The following ADGRB3 variants were observed in gnomAD, a reference collection of about 807,000 sequenced individuals.
ADGRB3 encodes adhesion G protein-coupled receptor B3.
ADGRB3 carries 37 observed loss-of-function variants against 193.4 expected under a neutral mutation model. The ratio of observed to expected loss-of-function variants is 0.19; its 90% CI spans 0.15 to 0.25. ADGRB3 has a LOEUF of 0.25. Among genes scored for constraint, ADGRB3 ranks in the 10% least tolerant of loss-of-function variants. ADGRB3 has a pLI of 1.00. For synonymous variants in ADGRB3, 690 were observed against 644.2 expected, an observed-to-expected ratio of 1.07 and a Z score of -1.08; for missense variants, 1,637 against 1,852.9, an observed-to-expected ratio of 0.88 and a Z score of 2.14.
intron 17 of ADGRB3, among the ~76,000 whole-genome samples, chr6:69,228,798 A>C (rs1766075103): frequency 6.6e-6 from 1 of 152,186 alleles, no homozygotes; most frequent in South Asian, 2.1e-4. Flanking sequence ...TTACAATAAA[A>C]GTTTAGCATT....
intron 3 of ADGRB3, among the ~76,000 whole-genome samples, chr6:68,727,505 C>T (rs17257056): frequency 0.016 from 2,381 of 151,568 alleles, 18 homozygotes; most frequent in Non-Finnish European, 0.024. Flanking sequence ...TATGTCAATA[C>T]TGTTCTGCAA....
At chr6:68,842,947 A>G (rs1453182405) in intron 3 of ADGRB3, among the ~76,000 whole-genome samples, 1 of 152,054 alleles carries the variant, frequency 6.6e-6, no homozygotes, top group Admixed American at 6.6e-5. Flanking sequence ...TCGATGCTGA[A>G]AAAAGCATTT....
intron 3 of ADGRB3, among the ~76,000 whole-genome samples, chr6:68,828,119 T>C (rs538045488): frequency 1.6e-4 from 24 of 152,324 alleles, no homozygotes; most frequent in Admixed American, 3.3e-4. Context: ...AAGCCTATTA[T>C]GAACTAAAAA....
At chr6:68,663,946 G>T (rs893160315) in intron 3 of ADGRB3, among the ~76,000 whole-genome samples, 2 of 151,794 alleles carry the variant, frequency 1.3e-5, no homozygotes, top group African/African-American at 4.8e-5. Flanking sequence ...GTATTTTTGT[G>T]CAATTTAATT....
chr6:68,915,940 T>C (rs2150239833), intron 3 of ADGRB3, among the ~76,000 whole-genome samples: 1 of 152,000 alleles, frequency 6.6e-6, no homozygotes, highest in East Asian at 1.9e-4. Context: ...AGGGGAAAAG[T>C]ACTGGGCAAA....
intron 3 of ADGRB3, among the ~76,000 whole-genome samples, chr6:68,818,765 C>T (rs917690876): frequency 6.6e-6 from 1 of 151,678 alleles, no homozygotes; most frequent in African/African-American, 2.4e-5. Context: ...TATATTTTGC[C>T]AATACAAAAA....
intron 20 of ADGRB3, among the ~76,000 whole-genome samples, chr6:69,245,475 T>C (rs564388244): frequency 6.6e-6 from 1 of 152,262 alleles, no homozygotes; most frequent in South Asian, 2.1e-4. Flanking sequence ...CTTCTGGAGC[T>C]TGTAAAACCT....
At chr6:68,786,839 G>A (rs1178915043) in intron 3 of ADGRB3, among the ~76,000 whole-genome samples, 1 of 151,750 alleles carries the variant, frequency 6.6e-6, no homozygotes, top group African/African-American at 2.4e-5. Context: ...TTGAGCAGTG[G>A]TTTGTAGTTC....
chr6:69,250,054 A>T (rs1351618209), intron 20 of ADGRB3, among the ~76,000 whole-genome samples: 1 of 152,200 alleles, frequency 6.6e-6, no homozygotes, highest in Non-Finnish European at 1.5e-5. Flanking sequence ...TAATTTGTTA[A>T]TATGTGTGAT....
At chr6:69,345,976 G>C (rs1223031136) in intron 26 of ADGRB3, among the ~76,000 whole-genome samples, 1 of 152,142 alleles carries the variant, frequency 6.6e-6, no homozygotes, top group Non-Finnish European at 1.5e-5. Flanking sequence ...CAAACAGAGA[G>C]CCAAATTATG....
At chr6:68,670,562 T>G (rs975803130) in intron 3 of ADGRB3, among the ~76,000 whole-genome samples, 32 of 151,818 alleles carry the variant, frequency 2.1e-4, no homozygotes, top group African/African-American at 6.8e-4. Flanking sequence ...GCAACTTTGT[T>G]GAAAATGAGT....
intron 3 of ADGRB3, among the ~76,000 whole-genome samples, chr6:68,880,016 T>C (rs1306222614): frequency 6.6e-6 from 1 of 152,136 alleles, no homozygotes; most frequent in Non-Finnish European, 1.5e-5. Flanking sequence ...ATAAACCAAT[T>C]TTAATAAAAT....
intron 23 of ADGRB3, among the ~76,000 whole-genome samples, chr6:69,331,050 T>A (rs1350302767): frequency 6.6e-6 from 1 of 152,124 alleles, no homozygotes; most frequent in Non-Finnish European, 1.5e-5. Flanking sequence ...GCAGAGGCCG[T>A]CTTATGTGTT....
intron 17 of ADGRB3, among the ~76,000 whole-genome samples, chr6:69,139,438 A>T (rs1774253945): frequency 6.6e-6 from 1 of 152,188 alleles, no homozygotes; most frequent in South Asian, 2.1e-4. Flanking sequence ...GTGTATAGTC[A>T]TTGTTTCTCA....
At chr6:69,266,223 A>G (rs1366970325) in intron 20 of ADGRB3, among the ~76,000 whole-genome samples, 3 of 152,040 alleles carry the variant, frequency 2.0e-5, no homozygotes, top group Non-Finnish European at 2.9e-5. Context: ...AGATATTTGT[A>G]TATGTATCGT....
chr6:69,361,526 G>T lies in ADGRB3; in HGVS notation c.4239+14G>T, dbSNP rs1769451522. 6.3e-7 allele frequency: 1 copy of T among 1,597,754 alleles called. No homozygotes were observed. The highest frequency in any genetic ancestry group is 2.2e-5 in the East Asian group (1 of 44,630). ...AGTTCTTTAGAGGTGAGCCACAGAA[G>T]ATTAAATTTTTCCTTGATAGTTGAA... On this transcript the variant is annotated intron_variant, in intron 29 of 31. Transcript: ENST00000370598.
chr6:68,645,245 A>G (rs1180882500), intron 3 of ADGRB3, among the ~76,000 whole-genome samples: 1 of 152,156 alleles, frequency 6.6e-6, no homozygotes, highest in Non-Finnish European at 1.5e-5. Context: ...GCTGTTCCTT[A>G]TAATGGCTAC....
chr6:68,973,361 A>C (rs1582362126), intron 8 of ADGRB3, among the ~76,000 whole-genome samples: 1 of 152,206 alleles, frequency 6.6e-6, no homozygotes, highest in South Asian at 2.1e-4. Context: ...TGTTCAAACC[A>C]TTCATCTTAT....
intron 3 of ADGRB3, among the ~76,000 whole-genome samples, chr6:68,914,575 G>C (rs1766823663): frequency 6.6e-6 from 1 of 152,170 alleles, no homozygotes; most frequent in Non-Finnish European, 1.5e-5. Flanking sequence ...ACCAGTACCA[G>C]CCACTGCAAA....
Sources: gnomAD v4.1 joint callset for allele counts (sites outside exome capture counted in the v4.1 genomes callset) on GRCh38, gnomAD v4.1.1 for gene constraint, MANE v1.5 for transcripts, NCBI Gene and HGNC (gene_info 2026-07-23, HGNC 2026-07-21) for gene names.